The following MAMDC2 variants were observed in gnomAD, a reference collection of about 807,000 sequenced individuals.
The protein encoded by MAMDC2 is MAM domain containing 2, also known as MAM domain-containing protein 2.
Under a neutral mutation model 89.8 loss-of-function variants are expected in MAMDC2, and 57 were observed. The observed-to-expected ratio is 0.63, with a 90% confidence interval of 0.51 to 0.79. MAMDC2 has a LOEUF of 0.79. Among genes scored for constraint, MAMDC2 ranks in the 30% least tolerant of loss-of-function variants. MAMDC2 has a pLI of 0.00. For missense variants in MAMDC2, 800 were observed against 820.6 expected (o/e 0.97, Z 0.31); for synonymous variants, 313 against 293.4 (o/e 1.07, Z -0.68).
At chr9:70,052,425 C>T (rs1190481198) in intron 2 of MAMDC2, among the ~76,000 whole-genome samples, 1 of 152,196 alleles carries the variant, frequency 6.6e-6, no homozygotes, top group Admixed American at 6.5e-5. Context: ...TGCTGCTTTT[C>T]TATTCTCCTG....
At chr9:70,184,072 C>A (rs930571079) in intron 11 of MAMDC2, among the ~76,000 whole-genome samples, 1 of 152,182 alleles carries the variant, frequency 6.6e-6, no homozygotes, top group African/African-American at 2.4e-5. Flanking sequence ...GTAGGGCAAG[C>A]CTGGTGGTGA....
At chr9:70,121,046 G>T (rs1408029764) in intron 5 of MAMDC2, among the ~76,000 whole-genome samples, 1 of 152,204 alleles carries the variant, frequency 6.6e-6, no homozygotes, top group Non-Finnish European at 1.5e-5. Flanking sequence ...AACACAACTG[G>T]AGTGCAAATG....
At chr9:70,120,431 C>G (rs746774157) in intron 5 of MAMDC2, among the ~76,000 whole-genome samples, 15 of 152,212 alleles carry the variant, frequency 9.9e-5, no homozygotes, top group Non-Finnish European at 1.8e-4. Context: ...TAAGCCCCCT[C>G]CTTTAGATCA....
At chr9:70,134,082 C>T (rs2030912180) in intron 7 of MAMDC2, among the ~76,000 whole-genome samples, 1 of 152,158 alleles carries the variant, frequency 6.6e-6, no homozygotes, top group South Asian at 2.1e-4. Flanking sequence ...TAACTCCAGA[C>T]TTCTTGTCTC....
At chr9:70,209,635 T>C (rs1212295259) in intron 11 of MAMDC2, among the ~76,000 whole-genome samples, 1 of 152,234 alleles carries the variant, frequency 6.6e-6, no homozygotes, top group Non-Finnish European at 1.5e-5. Context: ...TCTATCTCTT[T>C]CAGTTCCGCT....
chr9:70,169,779 T>C (rs913290955), intron 10 of MAMDC2: 2 of 152,186 alleles, frequency 1.3e-5, no homozygotes, highest in Non-Finnish European at 2.9e-5. Context: ...TTATTGAAGA[T>C]AGCATTCAAA....
intron 11 of MAMDC2, among the ~76,000 whole-genome samples, chr9:70,185,766 G>A (rs2032742192): frequency 6.6e-6 from 1 of 152,194 alleles, no homozygotes; most frequent in Non-Finnish European, 1.5e-5. Flanking sequence ...ACATCAGACT[G>A]CTATGCTGGC....
At chr9:70,200,482 G>C (rs1350857064) in intron 11 of MAMDC2, among the ~76,000 whole-genome samples, 1 of 151,716 alleles carries the variant, frequency 6.6e-6, no homozygotes, top group Non-Finnish European at 1.5e-5. Flanking sequence ...AAGTCAGGTA[G>C]CGTGATTCCT....
chr9:70,167,550 T>A (rs1373994366), intron 9 of MAMDC2, among the ~76,000 whole-genome samples: 1 of 152,218 alleles, frequency 6.6e-6, no homozygotes, highest in Non-Finnish European at 1.5e-5. Context: ...ATTGAGGGAT[T>A]CAATGAACAT....
intron 6 of MAMDC2, among the ~76,000 whole-genome samples, chr9:70,130,008 C>CTGTGTGTGTGTGTG (rs71364580): frequency 9.1e-4 from 134 of 147,194 alleles, no homozygotes; most frequent in South Asian, 2.9e-3. Context: ...ACATGGCATT[C>CTGTGTGTGTGTGTG]TGTGTGTGTG....
intron 7 of MAMDC2, among the ~76,000 whole-genome samples, chr9:70,137,935 T>C (rs2031067863): frequency 1.3e-5 from 2 of 152,232 alleles, no homozygotes; most frequent in African/African-American, 4.8e-5. Context: ...ATGTATGTGG[T>C]ACAAATACAG....
intron 9 of MAMDC2, among the ~76,000 whole-genome samples, chr9:70,156,202 G>A (rs757456097): frequency 8.5e-5 from 13 of 152,176 alleles, no homozygotes; most frequent in Non-Finnish European, 1.8e-4. Flanking sequence ...GAAAAAAAAA[G>A]TTGAAATTTA....
chr9:70,075,718 A>C (rs1827514688), intron 2 of MAMDC2, among the ~76,000 whole-genome samples: 1 of 152,228 alleles, frequency 6.6e-6, no homozygotes, highest in Admixed American at 6.5e-5. Context: ...TCTAGCCTAC[A>C]ACTACAATTA....
intron 2 of MAMDC2, chr9:70,087,180 C>T (rs1827788217): frequency 6.6e-6 from 1 of 152,160 alleles, no homozygotes; most frequent in South Asian, 2.1e-4. Flanking sequence ...TTGAAACCAG[C>T]ACATCATGCA....
chr9:70,151,088 G>A (rs2031565974), intron 9 of MAMDC2, among the ~76,000 whole-genome samples: 1 of 152,130 alleles, frequency 6.6e-6, no homozygotes, highest in Admixed American at 6.6e-5. Context: ...TGTTCCTTGA[G>A]TCCCAAGGCC....
intron 11 of MAMDC2, among the ~76,000 whole-genome samples, chr9:70,203,866 C>T (rs1367698183): frequency 8.2e-6 from 1 of 122,642 alleles, no homozygotes; most frequent in Non-Finnish European, 1.7e-5. Flanking sequence ...GAGGCTTCTG[C>T]ATTCTTCACG....
At chr9:70,182,129 T>C (rs1002590202) in intron 11 of MAMDC2, among the ~76,000 whole-genome samples, 2 of 152,208 alleles carry the variant, frequency 1.3e-5, no homozygotes, top group African/African-American at 2.4e-5. Context: ...GTTTTTGTCA[T>C]TGGTTCTGTT....
chr9:70,090,749 G>A (rs1379547749), intron 2 of MAMDC2: 1 of 152,074 alleles, frequency 6.6e-6, no homozygotes, highest in African/African-American at 2.4e-5. Flanking sequence ...TCCCTTTCGA[G>A]GGTCTTCTTC....
intron 2 of MAMDC2, among the ~76,000 whole-genome samples, chr9:70,101,487 C>A (rs1392053280): frequency 6.6e-6 from 1 of 152,168 alleles, no homozygotes; most frequent in African/African-American, 2.4e-5. Context: ...ACACCACTTG[C>A]AAGTTAGTGC....
Sources: allele counts gnomAD v4.1 joint callset (sites outside exome capture counted in the v4.1 genomes callset), GRCh38; gene constraint gnomAD v4.1.1; transcripts MANE v1.5; gene names NCBI Gene and HGNC (gene_info 2026-07-23, HGNC 2026-07-21).